EXTL3: variants seen among roughly 807,000 people sequenced by gnomAD.
EXTL3 encodes the protein exostosin like glycosyltransferase 3, also known as exostosin-like 3.
Under a neutral mutation model 69.3 loss-of-function variants are expected in EXTL3, and 27 were observed. The ratio of observed to expected loss-of-function variants is 0.39; its 90% confidence interval spans 0.29 to 0.54. EXTL3 has a LOEUF of 0.54. Among genes scored for constraint, EXTL3 ranks in the 20% least tolerant of loss-of-function variants. EXTL3 has a pLI of 0.69. For missense variants in EXTL3, 1,003 were observed against 1,231.8 expected (o/e 0.81, Z 2.78); for synonymous variants, 511 against 499.4 (o/e 1.02, Z -0.31).
In EXTL3 at chr8:28,750,412, G is replaced by A. The variant is rs1186674913; in HGVS notation, c.2551-245G>A. 1.3e-5 allele frequency among the ~76,000 whole-genome samples: 2 copies of A among 152,190 alleles called. No homozygotes were observed. Among genetic ancestry groups the A allele is most frequent in the East Asian group, 1.9e-4 (1 of 5,202 alleles). On this transcript the variant is annotated intron_variant, in intron 6 of 6. Transcript: ENST00000220562. The surrounding 1 kb of genome is among the most constrained non-coding windows in gnomAD (Gnocchi z 5.2). ...TACTGAGACAGCTGACACTACACAC[G>A]TTAAGGCTTTTGGCATCTGAGAAGC...
chr8:28,636,546 A>C (rs1806659316), intron 1 of EXTL3, among the ~76,000 whole-genome samples: 1 of 152,036 alleles, frequency 6.6e-6, no homozygotes. Flanking sequence ...CTTTGATCTC[A>C]ACTGGGTGAT....
intron 1 of EXTL3, among the ~76,000 whole-genome samples, chr8:28,672,279 A>G (rs538736608): frequency 5.9e-5 from 9 of 151,972 alleles, no homozygotes; most frequent in Admixed American, 1.3e-4. Flanking sequence ...TTAGCCGGGC[A>G]TGGTGGTGGG....
intron 1 of EXTL3, among the ~76,000 whole-genome samples, chr8:28,683,932 C>G (rs563918079): frequency 6.6e-6 from 1 of 152,240 alleles, no homozygotes; most frequent in South Asian, 2.1e-4. Flanking sequence ...CCCACCGCTG[C>G]CCTTTCTAGC....
At chr8:28,695,646 T>G (rs1246860401) in intron 1 of EXTL3, among the ~76,000 whole-genome samples, 6 of 152,206 alleles carry the variant, frequency 3.9e-5, no homozygotes, top group Admixed American at 3.3e-4. Flanking sequence ...AATTAATAGA[T>G]CAAGCACTCT....
intron 1 of EXTL3, among the ~76,000 whole-genome samples, chr8:28,641,992 C>G (rs191756508): frequency 6.6e-6 from 1 of 151,948 alleles, no homozygotes; most frequent in Non-Finnish European, 1.5e-5. Context: ...CCCAACACCA[C>G]GCCCAGCTAA....
At chr8:28,729,939 G>T (rs1298652562) in intron 3 of EXTL3, among the ~76,000 whole-genome samples, 1 of 151,908 alleles carries the variant, frequency 6.6e-6, no homozygotes, top group Non-Finnish European at 1.5e-5. Flanking sequence ...CATGTGTAAA[G>T]TGACAGACGC....
At chr8:28,720,406 GT>G (rs1255582959) in intron 3 of EXTL3, among the ~76,000 whole-genome samples, 2 of 152,170 alleles carry the variant, frequency 1.3e-5, no homozygotes, top group Non-Finnish European at 2.9e-5. Flanking sequence ...CTCCTCTTAT[GT>G]TTAGGTTCCC....
chr8:28,717,421 C>T lies in EXTL3; in HGVS notation c.1362C>T (p.Ala454=), dbSNP rs144094233. The T allele has an allele frequency of 1.2e-6, 2 of 1,614,174 alleles. No individual in the cohort carries two copies. Among genetic ancestry groups the T allele is most frequent in the Non-Finnish European group, 1.7e-6 (2 of 1,180,028 alleles). The change falls in exon 3 of 7, where the codon GCC becomes GCT. Residue 454 remains alanine (A), a synonymous_variant. Transcript: ENST00000220562. The surrounding 1 kb of genome is among the most constrained non-coding windows in gnomAD (Gnocchi z 8.3). ...SSGCATRLFE[A]LEVGAVPVVL... Reference sequence around the variant, plus strand: ...GGTGTGCAACACGGCTCTTCGAAGCCCTGGAAGTCGGTGCCGTCCCGGTGG... The same window carrying T: ...GGTGTGCAACACGGCTCTTCGAAGCTCTGGAAGTCGGTGCCGTCCCGGTGG...
At chr8:28,695,503 G>T (rs1268098710) in intron 1 of EXTL3, among the ~76,000 whole-genome samples, 1 of 152,224 alleles carries the variant, frequency 6.6e-6, no homozygotes, top group Non-Finnish European at 1.5e-5. Context: ...AGCCTCTGAG[G>T]CTTCTCCATC....
intron 6 of EXTL3, among the ~76,000 whole-genome samples, chr8:28,749,193 A>G (rs1051832942): frequency 6.6e-6 from 1 of 152,194 alleles, no homozygotes. Context: ...GTGAACACAT[A>G]TAACAAACAG....
upstream of EXTL3, among the ~76,000 whole-genome samples, chr8:28,618,315 G>T (rs894196922): frequency 6.6e-6 from 1 of 151,808 alleles, no homozygotes; most frequent in African/African-American, 2.4e-5. Flanking sequence ...TAAAAAAAAG[G>T]TATATAATAA....
At position 28,715,711 on chromosome 8, in the gene EXTL3, G is replaced by A. The variant is rs564967197; in HGVS notation, c.-349G>A. On this transcript the variant is annotated 5_prime_UTR_variant, in exon 3 of 7. Coordinates refer to ENST00000220562, the MANE Select transcript of EXTL3 (RefSeq NM_001440.4). ...GCAAAACCAAGAAACAAGAGCTATGGCATTTGAAAAAGTCTGTCTGATTCC... is the reference window on the plus strand; with the variant it reads ...GCAAAACCAAGAAACAAGAGCTATGACATTTGAAAAAGTCTGTCTGATTCC... The A allele has an allele frequency of 2.9e-5, 9 of 313,680 alleles. No homozygotes were observed. Among genetic ancestry groups the A allele is most frequent in the African/African-American group, 1.9e-4 (9 of 47,386 alleles). The allele number at this position is 313,680 out of a possible 1,614,324, so 19.4% of individuals were successfully genotyped here.
At chr8:28,745,303 T>C (rs967476223) in intron 6 of EXTL3, among the ~76,000 whole-genome samples, 1 of 152,238 alleles carries the variant, frequency 6.6e-6, no homozygotes, top group African/African-American at 2.4e-5. Context: ...CTGTGGCCCC[T>C]GCGTAGGATG....
At chr8:28,658,917 C>T (rs352426) in intron 1 of EXTL3, among the ~76,000 whole-genome samples, 87,471 of 152,172 alleles carry the variant, frequency 0.57, 27,967 homozygotes, top group African/African-American at 0.88. Context: ...AATATTCCAT[C>T]GTATGTATGT....
intron 1 of EXTL3, among the ~76,000 whole-genome samples, chr8:28,643,709 C>T (rs1283339672): frequency 1.3e-5 from 2 of 152,042 alleles, no homozygotes; most frequent in South Asian, 2.1e-4. Flanking sequence ...TGAGCCACCG[C>T]GCCTGGCCTC....
At chr8:28,642,765 C>T (rs1250165506) in intron 1 of EXTL3, among the ~76,000 whole-genome samples, 1 of 151,482 alleles carries the variant, frequency 6.6e-6, no homozygotes, top group East Asian at 1.9e-4. Flanking sequence ...TTACTGTTAA[C>T]TTTTTTTTTA....
intron 1 of EXTL3, among the ~76,000 whole-genome samples, chr8:28,706,750 T>A (rs572317393): frequency 1.3e-5 from 2 of 152,282 alleles, no homozygotes; most frequent in Non-Finnish European, 2.9e-5. Context: ...TTGTGTAACT[T>A]CTTATTTATG....
At chr8:28,712,319 G>C (rs1337609132) in intron 1 of EXTL3, among the ~76,000 whole-genome samples, 3 of 152,156 alleles carry the variant, frequency 2.0e-5, no homozygotes, top group Admixed American at 2.0e-4. Context: ...AGATGGGTCT[G>C]GGGAGCCCGG....
intron 1 of EXTL3, among the ~76,000 whole-genome samples, chr8:28,664,346 G>A (rs1807161280): frequency 6.6e-6 from 1 of 152,020 alleles, no homozygotes; most frequent in Admixed American, 6.6e-5. Context: ...GTGAGTGCAT[G>A]GGCAGAGACA....
Sources: allele counts gnomAD v4.1 joint callset (sites outside exome capture counted in the v4.1 genomes callset), GRCh38; gene constraint gnomAD v4.1.1; non-coding constraint Gnocchi (gnomAD v3.1); transcripts MANE v1.5; gene names NCBI Gene and HGNC (gene_info 2026-07-23, HGNC 2026-07-21).